The following ETFA variants were observed in gnomAD, a reference collection of about 807,000 sequenced individuals.
The protein encoded by ETFA is electron transfer flavoprotein subunit alpha, also known as electron transfer flavoprotein subunit alpha, mitochondrial.
ETFA carries 22 observed loss-of-function variants against 46.2 expected under a neutral mutation model. The ratio of observed to expected loss-of-function variants is 0.48; its 90% confidence interval spans 0.34 to 0.68. The LOEUF is 0.68. Ranked by LOEUF, ETFA falls within the 30% of genes least tolerant of loss-of-function variation. The pLI, the probability that ETFA is intolerant of heterozygous loss-of-function variation, is 0.01. For synonymous variants in ETFA, 131 were observed against 139.9 expected (o/e 0.94, Z 0.45); for missense variants, 345 against 401.1 (o/e 0.86, Z 1.19).
At chr15:76,258,633 G>A (rs374142426) in intron 9 of ETFA, among the ~76,000 whole-genome samples, 153 of 152,334 alleles carry the variant, frequency 1.0e-3, no homozygotes, top group Admixed American at 1.7e-3. Flanking sequence ...GCAGCTCAGC[G>A]GGACGGTAGA....
chr15:76,307,961 TG>T (rs2039953932), intron 1 of ETFA, among the ~76,000 whole-genome samples: 1 of 151,814 alleles, frequency 6.6e-6, no homozygotes. Flanking sequence ...ATTTCAAGAG[TG>T]GGGACTTGAG....
chr15:76,307,830 G>A (rs761634750), intron 1 of ETFA, among the ~76,000 whole-genome samples: 6 of 152,064 alleles, frequency 3.9e-5, no homozygotes, highest in East Asian at 1.9e-4. Context: ...TATGCACATC[G>A]TTAACAGTTT....
chr15:76,239,159 T>C (rs2039158000), intron 9 of ETFA, among the ~76,000 whole-genome samples: 1 of 152,184 alleles, frequency 6.6e-6, no homozygotes, highest in Non-Finnish European at 1.5e-5. Flanking sequence ...ATGATTCCTA[T>C]TTTATAGAAG....
intron 9 of ETFA, chr15:76,259,525 T>C: frequency 1.2e-6 from 1 of 850,390 alleles, no homozygotes; most frequent in Admixed American, 1.7e-5. Context: ...GCGTATGGTG[T>C]CTGCCCACGT....
At chr15:76,310,987 T>A (rs1458876575) in intron 1 of ETFA, among the ~76,000 whole-genome samples, 3 of 152,080 alleles carry the variant, frequency 2.0e-5, no homozygotes, top group African/African-American at 7.2e-5. Context: ...CCCGGTGACA[T>A]TTTGCTCCCT....
intron 4 of ETFA, among the ~76,000 whole-genome samples, chr15:76,288,700 A>C (rs1459268452): frequency 6.8e-6 from 1 of 147,238 alleles, no homozygotes; most frequent in Admixed American, 6.9e-5. Flanking sequence ...TGACAGAGCG[A>C]GACTCTGCCT....
intron 9 of ETFA, 90 bp downstream of exon 9, chr15:76,274,322 A>G: frequency 1.0e-6 from 1 of 991,628 alleles, no homozygotes; most frequent in Non-Finnish European, 1.6e-6. Flanking sequence ...AACACTGAGT[A>G]AGGTAAATCA....
chr15:76,216,312 A>C lies in ETFA; in HGVS notation c.*247T>G. The C allele has an allele frequency of 2.3e-6, 1 of 433,666 alleles. No individual in the cohort carries two copies. The highest frequency in any genetic ancestry group is 4.1e-6 in the Non-Finnish European group (1 of 245,170). 26.9% of individuals were successfully genotyped at this position (433,666 alleles called of 1,614,324 possible). A position where few individuals can be genotyped will look rare whatever the true frequency, so the allele number is the denominator to read the frequency against. ...TTTCTGATAGTTTTAAAGCTGTGGA[A>C]AAGCTTTATTATAGATTTTAGTACA... On this transcript the variant is annotated 3_prime_UTR_variant, in exon 12 of 12. Coordinates refer to ENST00000557943, the MANE Select transcript of ETFA (RefSeq NM_000126.4).
intron 10 of ETFA, chr15:76,228,765 T>TA (rs2039032058): frequency 6.1e-6 from 1 of 164,172 alleles, no homozygotes; most frequent in South Asian, 1.4e-4. Flanking sequence ...TTTTTTTTTT[T>TA]TTTTTTTTAG....
At chr15:76,302,718 A>G (rs2039892316) in intron 1 of ETFA, among the ~76,000 whole-genome samples, 1 of 152,210 alleles carries the variant, frequency 6.6e-6, no homozygotes, top group Non-Finnish European at 1.5e-5. Context: ...ATTGTAACAA[A>G]TGGACAACTC....
intron 8 of ETFA, among the ~76,000 whole-genome samples, chr15:76,282,656 G>T (rs1038263103): frequency 1.8e-4 from 27 of 152,094 alleles, no homozygotes; most frequent in African/African-American, 6.5e-4. Flanking sequence ...ATGGGTACAC[G>T]TGTTATGTAA....
intron 1 of ETFA, among the ~76,000 whole-genome samples, chr15:76,296,656 A>C (rs1054174327): frequency 1.3e-5 from 2 of 152,272 alleles, no homozygotes; most frequent in Non-Finnish European, 2.9e-5. Flanking sequence ...GATTCAAAAA[A>C]GGAAGCTTGC....
chr15:76,236,220 A>AT (rs982026741), intron 9 of ETFA, among the ~76,000 whole-genome samples: 1 of 152,148 alleles, frequency 6.6e-6, no homozygotes, highest in Non-Finnish European at 1.5e-5. Context: ...GCTACATTGC[A>AT]TTTTCGCTCA....
intron 9 of ETFA, among the ~76,000 whole-genome samples, chr15:76,268,549 A>G (rs1173347207): frequency 6.6e-6 from 1 of 152,208 alleles, no homozygotes; most frequent in Non-Finnish European, 1.5e-5. Context: ...ACAGATGCTT[A>G]ATGGACCAAT....
chr15:76,265,513 A>T (rs1413468367), intron 9 of ETFA, among the ~76,000 whole-genome samples: 53 of 152,226 alleles, frequency 3.5e-4, no homozygotes, highest in Non-Finnish European at 1.8e-4. Flanking sequence ...ACTAGTAGAT[A>T]CTGGAGCTGA....
intron 7 of ETFA, 42 bp from the exon 8 acceptor site, chr15:76,283,867 A>G (rs1162068545): frequency 2.1e-6 from 3 of 1,411,662 alleles, no homozygotes; most frequent in Non-Finnish European, 3.0e-6. Context: ...GCAAACATCA[A>G]ATACATTCTG....
intron 1 of ETFA, among the ~76,000 whole-genome samples, chr15:76,309,319 C>T (rs959467219): frequency 7.2e-5 from 11 of 152,130 alleles, no homozygotes; most frequent in Non-Finnish European, 1.0e-4. Flanking sequence ...GGCGTGGTGG[C>T]GGGTACCTGT....
intron 4 of ETFA, among the ~76,000 whole-genome samples, chr15:76,290,333 C>CTATTTT (rs2039748161): frequency 1.0e-5 from 1 of 97,140 alleles, no homozygotes; most frequent in Non-Finnish European, 1.9e-5. Flanking sequence ...AGTCGCTACT[C>CTATTTT]TTTTTTTTTT....
chr15:76,247,490 CT>C (rs1368065419), intron 9 of ETFA, among the ~76,000 whole-genome samples: 35 of 152,286 alleles, frequency 2.3e-4, no homozygotes, highest in Middle Eastern at 3.4e-3. Flanking sequence ...AGCTCCTTTG[CT>C]AGAATCTTTC....
Sources: gnomAD v4.1 joint callset for allele counts (sites outside exome capture counted in the v4.1 genomes callset) on GRCh38, gnomAD v4.1.1 for gene constraint, MANE v1.5 for transcripts, NCBI Gene and HGNC (gene_info 2026-07-23, HGNC 2026-07-21) for gene names.